HIBCH: variants seen among roughly 807,000 people sequenced by gnomAD.
The protein encoded by HIBCH is 3-hydroxyisobutyryl-CoA hydrolase, mitochondrial.
HIBCH carries 50 observed loss-of-function variants against 58.2 expected under a neutral mutation model. That is an observed-to-expected ratio of 0.86 (90% CI 0.68 to 1.09). The LOEUF is 1.09. Ranked by LOEUF, HIBCH falls within the 50% of genes least tolerant of loss-of-function variation. The probability of loss-of-function intolerance (pLI) is 0.00; values close to 1 mark genes in which losing one functional copy is unlikely to be tolerated. For missense variants in HIBCH, 450 were observed against 449.7 expected (o/e 1.00, Z -0.01); for synonymous variants, 151 against 146.9 (o/e 1.03, Z -0.20).
At chr2:190,196,724 C>T (rs1444434520) in intron 1 of HIBCH, among the ~76,000 whole-genome samples, 1 of 152,136 alleles carries the variant, frequency 6.6e-6, no homozygotes, top group Non-Finnish European at 1.5e-5. Context: ...GGTCCATAGG[C>T]TGGCTATTTT....
chr2:190,241,976 G>A lies in HIBCH; in HGVS notation c.891+2911C>T, dbSNP rs111967915. 6.7e-3 allele frequency among the ~76,000 whole-genome samples: 1,020 copies of A among 152,158 alleles called. 11 individuals carry two copies. Among genetic ancestry groups the A allele is most frequent in the African/African-American group, 0.022 (922 of 41,520 alleles). On this transcript the variant is annotated intron_variant, in intron 11 of 13. Transcript: ENST00000359678. The stretch of plus-strand genomic sequence containing the variant: ...TCTTCTCAAGGAGCATCTTCGCGGC[G>A]TTCTCTGTATTTCCTGAATTTGAAT...
intron 1 of HIBCH, among the ~76,000 whole-genome samples, chr2:190,318,677 T>C (rs554382306): frequency 1.3e-5 from 2 of 152,328 alleles, no homozygotes; most frequent in South Asian, 4.1e-4. Context: ...AACAAACATG[T>C]CTTTCCAGTT....
intron 11 of HIBCH, among the ~76,000 whole-genome samples, chr2:190,218,726 C>G (rs1022678931): frequency 2.6e-5 from 4 of 152,196 alleles, no homozygotes; most frequent in Non-Finnish European, 5.9e-5. Flanking sequence ...AAATGGGATA[C>G]CAATCCCAGA....
chr2:190,276,899 G>A (rs1178023038), intron 6 of HIBCH, among the ~76,000 whole-genome samples: 2 of 152,082 alleles, frequency 1.3e-5, no homozygotes, highest in African/African-American at 4.8e-5. Flanking sequence ...AATTATTTAG[G>A]GATGGACTAA....
At chr2:190,284,274 G>A (rs1422672240) in intron 6 of HIBCH, among the ~76,000 whole-genome samples, 1 of 151,926 alleles carries the variant, frequency 6.6e-6, no homozygotes, top group Non-Finnish European at 1.5e-5. Context: ...TACATATGAG[G>A]AATATATACA....
intron 1 of HIBCH, among the ~76,000 whole-genome samples, chr2:190,193,108 C>G (rs951748120): frequency 1.3e-5 from 2 of 151,994 alleles, no homozygotes; most frequent in African/African-American, 4.8e-5. Context: ...TTGTCTTTCA[C>G]CACTAACATT....
At chr2:190,218,610 T>A (rs1351071969) in intron 11 of HIBCH, among the ~76,000 whole-genome samples, 2 of 152,186 alleles carry the variant, frequency 1.3e-5, no homozygotes, top group Non-Finnish European at 2.9e-5. Flanking sequence ...GGGATGTAAC[T>A]GCCTGGGTTG....
downstream of HIBCH, chr2:190,200,283 GAACAACTAGGATGA>G (rs1690189832): frequency 9.9e-5 from 70 of 706,456 alleles, 1 homozygote; most frequent in South Asian, 1.3e-3. Context: ...ACTATTATAA[GAACAACTAGGATGA>G]AATGCATTTT....
At chr2:190,290,320 C>T (rs1222459703) in intron 5 of HIBCH, 85 bp downstream of exon 5, 3 of 907,130 alleles carry the variant, frequency 3.3e-6, no homozygotes, top group Non-Finnish European at 5.5e-6. Flanking sequence ...GTAAGGATGC[C>T]TATTGATTGC....
chr2:190,293,913 ACTGAC>A (rs1411601633), intron 4 of HIBCH, among the ~76,000 whole-genome samples: 2 of 151,462 alleles, frequency 1.3e-5, no homozygotes, highest in African/African-American at 4.8e-5. Context: ...GTATAGACAG[ACTGAC>A]CTGAACAATT....
intron 9 of HIBCH, 104 bp from the exon 10 acceptor site, chr2:190,246,316 TTCAG>T (rs1279976569): frequency 6.4e-5 from 45 of 699,078 alleles, no homozygotes; most frequent in African/African-American, 4.5e-4. Context: ...ACTTGTCACT[TTCAG>T]TCAAATTACA....
intron 2 of HIBCH, among the ~76,000 whole-genome samples, chr2:190,303,197 A>G (rs966956582): frequency 6.6e-6 from 1 of 152,204 alleles, no homozygotes; most frequent in Non-Finnish European, 1.5e-5. Context: ...ATACATGGGT[A>G]AGTACATAGT....
chr2:190,257,752 C>T (rs372670669), intron 7 of HIBCH, among the ~76,000 whole-genome samples: 8 of 152,164 alleles, frequency 5.3e-5, no homozygotes, highest in Non-Finnish European at 8.8e-5. Context: ...CATCATCCCA[C>T]GGCAAAAGGC....
intron 2 of HIBCH, among the ~76,000 whole-genome samples, chr2:190,307,813 T>C (rs1402940782): frequency 6.6e-6 from 1 of 152,260 alleles, no homozygotes; most frequent in Non-Finnish European, 1.5e-5. Flanking sequence ...CTGGCTTTCA[T>C]TAGCTTGACA....
intron 11 of HIBCH, among the ~76,000 whole-genome samples, chr2:190,225,718 T>C (rs982902327): frequency 6.6e-6 from 1 of 152,162 alleles, no homozygotes; most frequent in African/African-American, 2.4e-5. Context: ...CCATTCCTTC[T>C]GAAACGATTC....
At chr2:190,313,114 C>A (rs1688601566) in intron 1 of HIBCH, among the ~76,000 whole-genome samples, 2 of 152,184 alleles carry the variant, frequency 1.3e-5, no homozygotes, top group African/African-American at 2.4e-5. Flanking sequence ...ATAATAATTT[C>A]TTTTAAAGAC....
intron 1 of HIBCH, among the ~76,000 whole-genome samples, chr2:190,192,251 A>G (rs1689745609): frequency 6.6e-6 from 1 of 152,086 alleles, no homozygotes; most frequent in South Asian, 2.1e-4. Context: ...GTCAAGTATC[A>G]GTTTACCATA....
intron 1 of HIBCH, among the ~76,000 whole-genome samples, chr2:190,196,254 C>G (rs1689971651): frequency 6.6e-6 from 1 of 151,818 alleles, no homozygotes; most frequent in African/African-American, 2.4e-5. Flanking sequence ...TGTTTTAAAT[C>G]TTTTCCCTCC....
chr2:190,190,466 T>C (rs1689659096), intron 1 of HIBCH, among the ~76,000 whole-genome samples: 1 of 152,224 alleles, frequency 6.6e-6, no homozygotes, highest in Non-Finnish European at 1.5e-5. Flanking sequence ...TGATGGACAT[T>C]TGGGTTGTTT....
Sources: gnomAD v4.1 joint callset for allele counts (sites outside exome capture counted in the v4.1 genomes callset) on GRCh38, gnomAD v4.1.1 for gene constraint, MANE v1.5 for transcripts, NCBI Gene and HGNC (gene_info 2026-07-23, HGNC 2026-07-21) for gene names.